The following EFCAB5 variants were observed in gnomAD, a reference collection of about 807,000 sequenced individuals.
EFCAB5 encodes the protein EF-hand calcium binding domain 5, also known as EF-hand calcium-binding domain-containing protein 5.
A neutral mutation model predicts 167.9 loss-of-function variants in EFCAB5; 131 were observed. The observed-to-expected ratio is 0.78, with a 90% CI of 0.68 to 0.90. The LOEUF (loss-of-function observed/expected upper bound fraction) is 0.90, where lower values mean the gene tolerates loss of function less well. Among genes scored for constraint, EFCAB5 ranks in the 40% least tolerant of loss-of-function variants. EFCAB5 has a pLI of 0.00. For missense variants in EFCAB5, 1,663 were observed against 1,745.2 expected (o/e 0.95, Z 0.84); for synonymous variants, 574 against 602.8 (o/e 0.95, Z 0.70).
At chr17:29,930,681 C>G (rs749698232) in intron 1 of EFCAB5, among the ~76,000 whole-genome samples, 44 of 152,226 alleles carry the variant, frequency 2.9e-4, no homozygotes, top group Non-Finnish European at 5.7e-4. Flanking sequence ...CCCCGGCTCT[C>G]GGGGGCTTTT....
rs1330379932 is a variant in EFCAB5 at position 30,107,960 on chromosome 17, T to C, written c.4448T>C (p.Leu1483Ser). The stretch of plus-strand genomic sequence containing the variant: ...CTAAATAGTGGTATTACACCTCCGT[T>C]GCCCTCCAAGACTGACAATTATATG... ...KQLNSGITPP[L>S]PSKTDNYMYA... is the part of the protein sequence containing the mutation. The change falls in exon 23 of 23, where the codon TTG (leucine) becomes TCG (serine). Residue 1483 changes from leucine (L) to serine (S), a missense_variant. By Grantham distance (145) the Leu-to-Ser change is moderately radical. Coordinates refer to ENST00000394835, the MANE Select transcript of EFCAB5 (RefSeq NM_198529.4). 6.2e-7 allele frequency: 1 copy of C among 1,611,544 alleles called. No homozygotes were observed.
intron 4 of EFCAB5, among the ~76,000 whole-genome samples, chr17:29,979,613 C>T (rs1264598243): frequency 6.6e-6 from 1 of 152,196 alleles, no homozygotes; most frequent in African/African-American, 2.4e-5. Context: ...GCTAAGTTCT[C>T]CTTGTCCTTC....
chr17:30,041,022 C>G (rs933284359), intron 8 of EFCAB5, among the ~76,000 whole-genome samples: 11 of 152,130 alleles, frequency 7.2e-5, no homozygotes, highest in African/African-American at 2.7e-4. Flanking sequence ...AGTCCAGCTC[C>G]AGCCAATGGA....
At chr17:30,068,819 G>A in intron 14 of EFCAB5, 1 of 1,389,408 alleles carries the variant, frequency 7.2e-7, no homozygotes, top group South Asian at 1.2e-5. Context: ...GGCAAACTGA[G>A]AGATTTTCTT....
At chr17:29,998,717 A>C (rs987989789) in intron 6 of EFCAB5, among the ~76,000 whole-genome samples, 5 of 152,316 alleles carry the variant, frequency 3.3e-5, no homozygotes, top group Non-Finnish European at 7.4e-5. Context: ...TACCAAATTC[A>C]AGAGTGATTG....
intron 14 of EFCAB5, chr17:30,069,299 G>A (rs2070664473): frequency 1.3e-6 from 2 of 1,496,598 alleles, no homozygotes; most frequent in Non-Finnish European, 1.9e-6. Context: ...CAAAGGTGAA[G>A]ATGAGTTATC....
intron 4 of EFCAB5, chr17:29,972,470 A>C (rs2067977561): frequency 6.6e-6 from 1 of 152,206 alleles, no homozygotes; most frequent in African/African-American, 2.4e-5. Context: ...TAAAACATAT[A>C]ATTTTTAGAG....
rs748681332 is a variant in EFCAB5, at chr17:30,108,057, A to G, written c.*33A>G. On this transcript the variant is annotated 3_prime_UTR_variant, in exon 23 of 23. Transcript: ENST00000394835. Reference sequence around the variant, plus strand: ...TGATAATGGAATTGATACTGTATTTAGGATCCTTTGTTTGTTATCAGTTTT... The same window carrying G: ...TGATAATGGAATTGATACTGTATTTGGGATCCTTTGTTTGTTATCAGTTTT... 9.6e-5 allele frequency: 150 copies of G among 1,557,948 alleles called. No individual in the cohort carries two copies. The highest frequency in any genetic ancestry group is 1.8e-5 in the Non-Finnish European group (21 of 1,160,498).
rs145216686 is a variant in EFCAB5 at position 29,956,860 on chromosome 17, G to A, written c.191-11931G>A. 2.0e-3 allele frequency among the ~76,000 whole-genome samples: 308 copies of A among 152,116 alleles called. 4 individuals carry two copies. Among genetic ancestry groups the A allele is most frequent in the Admixed American group, 0.018 (275 of 15,276 alleles). On this transcript the variant is annotated intron_variant, in intron 3 of 22. Transcript: ENST00000394835. ...GGGAGAGAGAGAAAGAAAGAGAGAG[G>A]TGGGCTGGGGAGAGAGAAAAAGAGA... is the stretch of plus-strand genomic sequence containing the variant.
At chr17:30,015,960 G>C (rs991686904) in intron 7 of EFCAB5, among the ~76,000 whole-genome samples, 2 of 151,842 alleles carry the variant, frequency 1.3e-5, no homozygotes, top group African/African-American at 4.8e-5. Flanking sequence ...TGTATTTTTA[G>C]TAGAGACAGG....
chr17:30,060,364 T>C (rs551756976), intron 14 of EFCAB5, among the ~76,000 whole-genome samples: 1 of 152,334 alleles, frequency 6.6e-6, no homozygotes, highest in Non-Finnish European at 1.5e-5. Flanking sequence ...TTCTCCTTAG[T>C]GACTTTTTGT....
chr17:30,095,309 C>G (rs1343485679), intron 22 of EFCAB5, among the ~76,000 whole-genome samples: 1 of 152,178 alleles, frequency 6.6e-6, no homozygotes, highest in Non-Finnish European at 1.5e-5. Context: ...CTCCACTTCT[C>G]CTACAGGGGT....
intron 3 of EFCAB5, among the ~76,000 whole-genome samples, chr17:29,966,350 G>C (rs1793283611): frequency 6.6e-6 from 1 of 152,100 alleles, no homozygotes. Flanking sequence ...TTCTGGATTG[G>C]CTGGGCATGG....
intron 7 of EFCAB5, among the ~76,000 whole-genome samples, chr17:30,020,778 C>T (rs917200282): frequency 6.6e-6 from 1 of 152,186 alleles, no homozygotes; most frequent in African/African-American, 2.4e-5. Context: ...AGTTGACTCT[C>T]ATCCTCCACA....
intron 3 of EFCAB5, among the ~76,000 whole-genome samples, chr17:29,967,378 A>G (rs1229245707): frequency 6.6e-6 from 1 of 152,180 alleles, no homozygotes; most frequent in Non-Finnish European, 1.5e-5. Context: ...ACATCTATAT[A>G]CCTTAACTCA....
intron 8 of EFCAB5, among the ~76,000 whole-genome samples, chr17:30,043,428 ACT>A: frequency 6.6e-6 from 1 of 152,238 alleles, no homozygotes; most frequent in South Asian, 2.1e-4. Context: ...AAAAAAGAAA[ACT>A]CTGTATTCAC....
Position 30,092,082 on chromosome 17 carries a change from G to A in EFCAB5, c.4149G>A (p.Leu1383=). The change falls in exon 21 of 23, where the codon CTG becomes CTA. Residue 1383 remains leucine (L), a synonymous_variant. Coordinates refer to ENST00000394835, the MANE Select transcript of EFCAB5 (RefSeq NM_198529.4). ...EANVKLVRDI[L]KAVILFFHPE... The stretch of plus-strand genomic sequence containing the variant: ...ACGTGAAACTAGTGCGTGACATCCT[G>A]AAGGCGGTTATCTTGTTCTTTCATC... The A allele has an allele frequency of 1.1e-5, 18 of 1,613,978 alleles. No homozygotes were observed. The highest frequency in any genetic ancestry group is 1.5e-5 in the Non-Finnish European group (18 of 1,179,880).
chr17:30,108,193 AT>A lies in EFCAB5; in HGVS notation c.*172del. On this transcript the variant is annotated 3_prime_UTR_variant, in exon 23 of 23. Coordinates refer to ENST00000394835, the MANE Select transcript of EFCAB5 (RefSeq NM_198529.4). ...ACCCAAAAGTGCTACCTAAGAAGAA[AT>A]TTAGCCAAAAAATACCCAGCTAAGG... 1.5e-6 allele frequency: 1 copy of A among 685,338 alleles called. No individual in the cohort carries two copies. Among genetic ancestry groups the A allele is most frequent in the Non-Finnish European group, 2.2e-6 (1 of 451,594 alleles). 42.5% of individuals were successfully genotyped at this position (685,338 alleles called of 1,614,324 possible). A position where few individuals can be genotyped will look rare whatever the true frequency, so the allele number is the denominator to read the frequency against.
chr17:30,105,583 G>C (rs553029385), intron 22 of EFCAB5, among the ~76,000 whole-genome samples: 2 of 152,196 alleles, frequency 1.3e-5, no homozygotes, highest in East Asian at 1.9e-4. Flanking sequence ...TATGTCGATT[G>C]GTCTAGTATT....
Sources: gnomAD v4.1 joint callset for allele counts (sites outside exome capture counted in the v4.1 genomes callset) on GRCh38, gnomAD v4.1.1 for gene constraint, MANE v1.5 for transcripts, NCBI Gene and HGNC (gene_info 2026-07-23, HGNC 2026-07-21) for gene names.